CDH13: variants seen among roughly 807,000 people sequenced by gnomAD.
The protein encoded by CDH13 is cadherin-13.
CDH13 carries 24 observed loss-of-function variants against 63.8 expected under a neutral mutation model. The observed-to-expected ratio is 0.38, with a 90% confidence interval of 0.27 to 0.53. The LOEUF is 0.53. CDH13 is among the 20% of genes least tolerant of loss of function. CDH13 has a pLI of 0.85. For missense variants in CDH13, 1,049 were observed against 903.1 expected, an observed-to-expected ratio of 1.16 and a Z score of -2.07; for synonymous variants, 503 against 355.3, an observed-to-expected ratio of 1.42 and a Z score of -4.67.
chr16:82,817,337 C>T (rs1446074102), intron 1 of CDH13, among the ~76,000 whole-genome samples: 1 of 152,056 alleles, frequency 6.6e-6, no homozygotes, highest in Non-Finnish European at 1.5e-5. Flanking sequence ...AGCGTGCTCA[C>T]TGTCTTTAGG....
At chr16:83,022,127 G>A (rs945295517) in intron 2 of CDH13, among the ~76,000 whole-genome samples, 6 of 152,194 alleles carry the variant, frequency 3.9e-5, no homozygotes, top group Non-Finnish European at 8.8e-5. Context: ...GGCATACTGA[G>A]GGATATGAAA....
chr16:83,083,214 C>G (rs1298611953), intron 3 of CDH13, among the ~76,000 whole-genome samples: 1 of 152,212 alleles, frequency 6.6e-6, no homozygotes, highest in Non-Finnish European at 1.5e-5. Context: ...CAGCATCTTA[C>G]TTGATTCTCA....
chr16:83,785,015 CAG>C (rs1915784861), intron 13 of CDH13, among the ~76,000 whole-genome samples: 2 of 152,280 alleles, frequency 1.3e-5, no homozygotes, highest in Admixed American at 1.3e-4. Flanking sequence ...TTCTGTAAAG[CAG>C]AGACAATTTC....
chr16:83,586,947 C>A (rs1906221681), intron 7 of CDH13, among the ~76,000 whole-genome samples: 2 of 152,132 alleles, frequency 1.3e-5, no homozygotes, highest in African/African-American at 2.4e-5. Flanking sequence ...AACCCAATGA[C>A]AGCAGAAAGG....
chr16:83,435,961 C>G (rs2072288298), intron 6 of CDH13, among the ~76,000 whole-genome samples: 1 of 152,134 alleles, frequency 6.6e-6, no homozygotes, highest in Non-Finnish European at 1.5e-5. Flanking sequence ...ATTTAAAAAG[C>G]TATTGAGAGT....
intron 3 of CDH13, among the ~76,000 whole-genome samples, chr16:83,095,245 A>G (rs2034135577): frequency 6.6e-6 from 1 of 152,216 alleles, no homozygotes; most frequent in South Asian, 2.1e-4. Context: ...CTTCTCCAAA[A>G]CACTCACTGT....
At chr16:83,177,949 G>C (rs941774052) in intron 4 of CDH13, among the ~76,000 whole-genome samples, 7 of 152,230 alleles carry the variant, frequency 4.6e-5, no homozygotes, top group African/African-American at 1.7e-4. Flanking sequence ...ACATATAGTA[G>C]GTGTTTAATA....
chr16:82,967,429 C>T (rs1908013578), intron 2 of CDH13, among the ~76,000 whole-genome samples: 1 of 152,146 alleles, frequency 6.6e-6, no homozygotes, highest in Non-Finnish European at 1.5e-5. Context: ...ATACCTGGTT[C>T]GTATTTGCGC....
chr16:83,268,512 C>T (rs16960037), intron 5 of CDH13, among the ~76,000 whole-genome samples: 4 of 152,076 alleles, frequency 2.6e-5, no homozygotes, highest in African/African-American at 9.7e-5. Context: ...TATTTGATGT[C>T]ATATGAGTTA....
chr16:83,289,176 G>A (rs1005166207), intron 5 of CDH13, among the ~76,000 whole-genome samples: 2 of 151,524 alleles, frequency 1.3e-5, no homozygotes, highest in Admixed American at 6.6e-5. Flanking sequence ...AGAATTCACT[G>A]TCTGCATATG....
At chr16:83,304,155 G>A (rs1173066512) in intron 5 of CDH13, among the ~76,000 whole-genome samples, 1 of 152,172 alleles carries the variant, frequency 6.6e-6, no homozygotes, top group African/African-American at 2.4e-5. Flanking sequence ...TGGAGAGGTA[G>A]GTGAGGGCTG....
At chr16:83,754,830 T>C (rs964364508) in intron 11 of CDH13, among the ~76,000 whole-genome samples, 25 of 152,180 alleles carry the variant, frequency 1.6e-4, no homozygotes, top group Non-Finnish European at 2.6e-4. Flanking sequence ...TATGTCTTTA[T>C]CAGCAGCATG....
At chr16:83,306,308 G>C (rs1567578980) in intron 5 of CDH13, among the ~76,000 whole-genome samples, 1 of 152,324 alleles carries the variant, frequency 6.6e-6, no homozygotes, top group Middle Eastern at 3.4e-3. Flanking sequence ...CCCAGTGTGG[G>C]GGTGTCGGGA....
intron 10 of CDH13, among the ~76,000 whole-genome samples, chr16:83,688,636 AT>A (rs1904544765): frequency 6.6e-6 from 1 of 152,010 alleles, no homozygotes; most frequent in South Asian, 2.1e-4. Context: ...ATGAGTTAAG[AT>A]TTTTTTCTTT....
rs1026972687 is a variant in CDH13, at chr16:83,081,625, T to C, written c.367-43760T>C. Reference sequence around the variant, plus strand: ...ATCAGGTACCAGCAGGGTAGGGTTTTTGGGGAGACCTGTCCTCTTGGTTCA... The same window carrying C: ...ATCAGGTACCAGCAGGGTAGGGTTTCTGGGGAGACCTGTCCTCTTGGTTCA... On this transcript the variant is annotated intron_variant, in intron 3 of 13. Coordinates refer to ENST00000567109, the MANE Select transcript of CDH13 (RefSeq NM_001257.5). Among the ~76,000 whole-genome samples the C allele has an allele frequency of 2.6e-5, 4 of 152,100 alleles. No homozygotes were observed. In the East Asian group the frequency reaches 7.7e-4, roughly 29 times the overall value.
chr16:83,477,393 A>G (rs2073632822), intron 6 of CDH13, among the ~76,000 whole-genome samples: 2 of 152,182 alleles, frequency 1.3e-5, no homozygotes, highest in South Asian at 2.1e-4. Context: ...AGCTGCATGG[A>G]GACACTTAGG....
chr16:82,838,121 T>G (rs2038847998), intron 1 of CDH13, among the ~76,000 whole-genome samples: 1 of 152,222 alleles, frequency 6.6e-6, no homozygotes, highest in Admixed American at 6.5e-5. Context: ...GCCTCTGTTT[T>G]GAAAGCTCTT....
chr16:83,444,287 A>G (rs2072597799), intron 6 of CDH13, among the ~76,000 whole-genome samples: 1 of 152,194 alleles, frequency 6.6e-6, no homozygotes. Flanking sequence ...GCTAGGTAAC[A>G]GATATGTTAA....
chr16:83,100,559 G>C (rs952280214), intron 3 of CDH13, among the ~76,000 whole-genome samples: 3 of 152,168 alleles, frequency 2.0e-5, no homozygotes, highest in African/African-American at 7.2e-5. Context: ...TGTGCTCCTA[G>C]GTGGAAAACA....
Sources: gnomAD v4.1 joint callset for allele counts (sites outside exome capture counted in the v4.1 genomes callset) on GRCh38, gnomAD v4.1.1 for gene constraint, MANE v1.5 for transcripts, NCBI Gene and HGNC (gene_info 2026-07-23, HGNC 2026-07-21) for gene names.